Variants in LARP1 observed in about 807,000 individuals in gnomAD.
LARP1 encodes the protein La ribonucleoprotein 1, translational regulator.
LARP1 carries 36 observed loss-of-function variants against 122.7 expected under a neutral mutation model. The ratio of observed to expected loss-of-function variants is 0.29; its 90% CI spans 0.22 to 0.39. The LOEUF (loss-of-function observed/expected upper bound fraction) is 0.39. LARP1 is among the 10% of genes least tolerant of loss of function. LARP1 has a pLI of 1.00. For missense variants in LARP1, 1,040 were observed against 1,403.6 expected (o/e 0.74, Z 4.14); for synonymous variants, 539 against 528.7 (o/e 1.02, Z -0.27).
intron 1 of LARP1, among the ~76,000 whole-genome samples, chr5:154,769,237 T>A (rs912859079): frequency 1.3e-5 from 2 of 152,218 alleles, no homozygotes; most frequent in Non-Finnish European, 2.9e-5. Context: ...GCTCTGGACC[T>A]CTCATGACTG....
At chr5:154,742,990 A>G (rs571536915) in intron 1 of LARP1, among the ~76,000 whole-genome samples, 1 of 152,300 alleles carries the variant, frequency 6.6e-6, no homozygotes, top group South Asian at 2.1e-4. Context: ...TCCACGTCAC[A>G]TGAGTTTGGG....
intron 1 of LARP1, among the ~76,000 whole-genome samples, chr5:154,778,209 G>A (rs928383262): frequency 4.7e-5 from 7 of 150,266 alleles, no homozygotes; most frequent in African/African-American, 1.2e-4. Context: ...GCAGTGAGCC[G>A]AGATCGCGCT....
chr5:154,738,593 A>G (rs538469939), intron 1 of LARP1, among the ~76,000 whole-genome samples: 72 of 150,308 alleles, frequency 4.8e-4, no homozygotes, highest in African/African-American at 1.6e-3. Flanking sequence ...CTCCGTCTCA[A>G]AAAAAAAAAG....
At chr5:154,780,667 C>T (rs1235928389) in intron 1 of LARP1, among the ~76,000 whole-genome samples, 1 of 152,160 alleles carries the variant, frequency 6.6e-6, no homozygotes, top group Non-Finnish European at 1.5e-5. Flanking sequence ...GGTCTGGGAT[C>T]ACCCTCTCCA....
intron 1 of LARP1, among the ~76,000 whole-genome samples, chr5:154,733,997 C>T (rs1013161976): frequency 6.6e-6 from 1 of 151,938 alleles, no homozygotes. Context: ...GAAACCCTGT[C>T]TCTACTAAAA....
chr5:154,712,747 G>C (rs1325223774), upstream of LARP1, among the ~76,000 whole-genome samples: 2 of 152,108 alleles, frequency 1.3e-5, no homozygotes, highest in Non-Finnish European at 1.5e-5. Flanking sequence ...GTAAAGAGGT[G>C]GGGTAGCCTT....
chr5:154,732,192 A>AAC (rs1290139017), intron 1 of LARP1, among the ~76,000 whole-genome samples: 24 of 57,822 alleles, frequency 4.2e-4, no homozygotes, highest in African/African-American at 9.5e-4. Flanking sequence ...AACAAAACAA[A>AAC]AAAAAAAAAA....
chr5:154,789,219 C>CTTTTTT (rs757782683), intron 1 of LARP1, among the ~76,000 whole-genome samples: 3 of 91,370 alleles, frequency 3.3e-5, no homozygotes, highest in Non-Finnish European at 4.0e-5. Context: ...TCAAAACAAA[C>CTTTTTT]TTTTTTTTTT....
chr5:154,780,014 G>T (rs1278429443), intron 1 of LARP1, among the ~76,000 whole-genome samples: 1 of 152,150 alleles, frequency 6.6e-6, no homozygotes, highest in Non-Finnish European at 1.5e-5. Flanking sequence ...CACCGAGAGA[G>T]GCAAATTAGC....
chr5:154,792,557 T>C, intron 3 of LARP1, 65 bp from the exon 4 acceptor site: 1 of 1,442,274 alleles, frequency 6.9e-7, no homozygotes, highest in Non-Finnish European at 9.6e-7. Context: ...TGACAGGGAG[T>C]GCCTTCCCTC....
intron 1 of LARP1, among the ~76,000 whole-genome samples, chr5:154,749,475 G>T (rs890199967): frequency 2.6e-5 from 4 of 152,134 alleles, no homozygotes; most frequent in Admixed American, 2.6e-4. Flanking sequence ...ATCGGCCTGG[G>T]GGTTAAACGA....
chr5:154,742,925 T>C (rs2113468484), intron 1 of LARP1, among the ~76,000 whole-genome samples: 1 of 152,294 alleles, frequency 6.6e-6, no homozygotes, highest in Non-Finnish European at 1.5e-5. Flanking sequence ...CACAGCCTGC[T>C]ACTGCCCCAG....
chr5:154,715,872 A>T (rs1406414469), intron 1 of LARP1, among the ~76,000 whole-genome samples: 1 of 152,160 alleles, frequency 6.6e-6, no homozygotes, highest in Non-Finnish European at 1.5e-5. Flanking sequence ...TTTTGAAGTC[A>T]TTACCTTATT....
At chr5:154,774,331 G>A (rs1755684690) in intron 1 of LARP1, among the ~76,000 whole-genome samples, 1 of 152,030 alleles carries the variant, frequency 6.6e-6, no homozygotes, top group East Asian at 1.9e-4. Context: ...ATGCTTGTTT[G>A]CACTGCAGGG....
At chr5:154,739,091 C>T (rs1298841797) in intron 1 of LARP1, among the ~76,000 whole-genome samples, 1 of 152,188 alleles carries the variant, frequency 6.6e-6, no homozygotes, top group Admixed American at 6.6e-5. Context: ...TCTGTGTTCA[C>T]TGCAACCTCT....
intron 1 of LARP1, among the ~76,000 whole-genome samples, chr5:154,767,160 T>G (rs748075963): frequency 6.6e-6 from 1 of 152,162 alleles, no homozygotes; most frequent in Non-Finnish European, 1.5e-5. Flanking sequence ...CTGAGTGCCC[T>G]TGGATAGGTT....
intron 1 of LARP1, among the ~76,000 whole-genome samples, chr5:154,772,505 T>C (rs1026319271): frequency 6.6e-6 from 1 of 152,380 alleles, no homozygotes; most frequent in African/African-American, 2.4e-5. Context: ...CTCCAGTAGA[T>C]GCTTGAAACT....
rs571786244 is a variant in LARP1 at position 154,803,883 on chromosome 5, C to T, written c.2439+138C>T. 5 of 939,736 alleles carry T rather than the reference C, an allele frequency of 5.3e-6. No individual in the cohort carries two copies. The African/African-American group carries it at 8.1e-5, about 15-fold the overall frequency. The allele number at this position is 939,736 out of a possible 1,614,324, so 58.2% of individuals were successfully genotyped here. On this transcript the variant is annotated intron_variant, in intron 13 of 18. Coordinates refer to ENST00000518297, the MANE Select transcript of LARP1 (RefSeq NM_033551.3). This position sits in a 1 kb window ranked among gnomAD's most constrained non-coding sequence, Gnocchi z 4.4. ...TGCTCTGTGTTCTGAGGCTGGTGGGCTTACCTAGGATTAGGTAGCCACATC... is the reference window on the plus strand; with the variant it reads ...TGCTCTGTGTTCTGAGGCTGGTGGGTTTACCTAGGATTAGGTAGCCACATC...
At chr5:154,690,631 T>C (rs1582141164) in intron 1 of LARP1, among the ~76,000 whole-genome samples, 1 of 152,326 alleles carries the variant, frequency 6.6e-6, no homozygotes, top group South Asian at 2.1e-4. Context: ...CCTCCCTGCC[T>C]GGGTGATATG....
Sources: gnomAD v4.1 joint callset for allele counts (sites outside exome capture counted in the v4.1 genomes callset) on GRCh38, gnomAD v4.1.1 for gene constraint, Gnocchi (gnomAD v3.1) non-coding constraint, MANE v1.5 for transcripts, NCBI Gene and HGNC (gene_info 2026-07-23, HGNC 2026-07-21) for gene names.